The following RYR2 variants were observed in gnomAD, a reference collection of about 807,000 sequenced individuals.
RYR2 encodes the protein cardiac muscle ryanodine receptor-calcium release channel.
RYR2 carries 227 observed loss-of-function variants against 601.1 expected under a neutral mutation model. The observed-to-expected ratio is 0.38, with a 90% CI of 0.34 to 0.42. The LOEUF (loss-of-function observed/expected upper bound fraction) is 0.42. RYR2 is among the 10% of genes least tolerant of loss of function. The pLI is 1.00. For synonymous variants in RYR2, 2,223 were observed against 2,175.1 expected (o/e 1.02, Z -0.61); for missense variants, 4,646 against 6,156.5 (o/e 0.75, Z 8.21).
intron 1 of RYR2, among the ~76,000 whole-genome samples, chr1:237,227,979 T>A (rs200106801): frequency 3.1e-4 from 26 of 83,252 alleles, no homozygotes; most frequent in Admixed American, 3.1e-3. Context: ...TTTTTTTTTA[T>A]TTTTGATTTC....
At chr1:237,744,877 A>G (rs1192615888) in intron 80 of RYR2, among the ~76,000 whole-genome samples, 4 of 151,004 alleles carry the variant, frequency 2.6e-5, no homozygotes, top group Middle Eastern at 3.4e-3. Flanking sequence ...GCTCACTGCA[A>G]TCTCCACCTC....
chr1:237,510,435 G>GT (rs1466625414), intron 23 of RYR2, among the ~76,000 whole-genome samples: 3 of 152,158 alleles, frequency 2.0e-5, no homozygotes, highest in Non-Finnish European at 4.4e-5. Context: ...CTCATTTTAT[G>GT]TTTCGTTTGT....
intron 1 of RYR2, among the ~76,000 whole-genome samples, chr1:237,187,264 G>C (rs1433965559): frequency 6.6e-6 from 1 of 150,514 alleles, no homozygotes; most frequent in Non-Finnish European, 1.5e-5. Context: ...TCTGCTTCCT[G>C]GGTTCAAGTG....
chr1:237,244,062 C>T (rs1213714815), intron 1 of RYR2, among the ~76,000 whole-genome samples: 8 of 152,026 alleles, frequency 5.3e-5, no homozygotes, highest in Admixed American at 4.6e-4. Flanking sequence ...GCGTGATCAC[C>T]TTTATCCAAA....
intron 1 of RYR2, among the ~76,000 whole-genome samples, chr1:237,190,333 T>C (rs1427343989): frequency 1.3e-5 from 2 of 152,220 alleles, no homozygotes; most frequent in African/African-American, 2.4e-5. Context: ...GATATTGTGA[T>C]TTTGATTTGC....
intron 12 of RYR2, among the ~76,000 whole-genome samples, chr1:237,436,455 T>A (rs918159415): frequency 1.2e-4 from 8 of 68,628 alleles, no homozygotes; most frequent in Non-Finnish European, 2.5e-5. Context: ...GTGATTTTCC[T>A]TTTTTTTTTT....
At chr1:237,439,283 G>A (rs1338230743) in intron 12 of RYR2, among the ~76,000 whole-genome samples, 1 of 152,158 alleles carries the variant, frequency 6.6e-6, no homozygotes, top group Non-Finnish European at 1.5e-5. Flanking sequence ...TTCAGCAAGT[G>A]TTCTCACTTA....
chr1:237,828,927 C>T (rs560976060), intron 102 of RYR2, among the ~76,000 whole-genome samples: 1 of 152,222 alleles, frequency 6.6e-6, no homozygotes, highest in East Asian at 1.9e-4. Context: ...TGGGCAACCT[C>T]CCAACCCCTT....
chr1:237,526,941 C>T (rs930310013), intron 24 of RYR2, among the ~76,000 whole-genome samples: 60 of 152,160 alleles, frequency 3.9e-4, no homozygotes, highest in Non-Finnish European at 1.3e-4. Flanking sequence ...CTAGGTCTTA[C>T]ATTTATATCT....
intron 1 of RYR2, among the ~76,000 whole-genome samples, chr1:237,245,870 C>CT (rs1194405010): frequency 6.6e-6 from 1 of 152,076 alleles, no homozygotes. Context: ...TAACCTCTGC[C>CT]TCCCAGGTTG....
At chr1:237,486,909 T>C (rs906103865) in intron 17 of RYR2, among the ~76,000 whole-genome samples, 2 of 152,174 alleles carry the variant, frequency 1.3e-5, no homozygotes, top group Non-Finnish European at 2.9e-5. Flanking sequence ...ATTTTGGATC[T>C]ACTCTTAAAA....
intron 71 of RYR2, 140 bp from the exon 72 acceptor site, chr1:237,717,057 TA>T: frequency 1.5e-6 from 1 of 671,720 alleles, no homozygotes; most frequent in Non-Finnish European, 2.4e-6. Context: ...AGAGAAAAAT[TA>T]TTCTCAAAAC....
rs144614244 is a variant in RYR2, at chr1:237,421,783, A to G, written c.849-1309A>G. On this transcript the variant is annotated intron_variant, in intron 11 of 104. Transcript: ENST00000366574. Reference sequence around the variant, plus strand: ...TCATCCAGTGTAAACTGTCTTTTAAAAAATTATCCTTATGTTTCATTTTCT... The same window carrying G: ...TCATCCAGTGTAAACTGTCTTTTAAGAAATTATCCTTATGTTTCATTTTCT... 1.3e-4 allele frequency among the ~76,000 whole-genome samples: 20 copies of G among 152,286 alleles called. No individual in the cohort carries two copies. The East Asian group carries it at 3.7e-3, about 28-fold the overall frequency.
intron 43 of RYR2, among the ~76,000 whole-genome samples, chr1:237,634,660 T>C (rs1009251819): frequency 1.3e-5 from 2 of 152,304 alleles, no homozygotes; most frequent in East Asian, 1.9e-4. Context: ...ACTAGCTCAA[T>C]TGAGTCATTC....
At chr1:237,625,304 G>C (rs1679532045) in intron 39 of RYR2, among the ~76,000 whole-genome samples, 1 of 152,118 alleles carries the variant, frequency 6.6e-6, no homozygotes, top group Admixed American at 6.5e-5. Flanking sequence ...TGTAGGCAGG[G>C]CTGGACTGTA....
intron 29 of RYR2, among the ~76,000 whole-genome samples, chr1:237,578,060 G>A (rs958919156): frequency 2.6e-5 from 4 of 152,056 alleles, no homozygotes; most frequent in Non-Finnish European, 4.4e-5. Context: ...TCTGCCTGCT[G>A]TGGCCTCCCA....
chr1:237,788,020 A>C lies in RYR2; in HGVS notation c.13361A>C (p.Lys4454Thr), dbSNP rs1485986182. 6.2e-7 allele frequency: 1 copy of C among 1,603,848 alleles called. No individual in the cohort carries two copies. Among genetic ancestry groups the C allele is most frequent in the Admixed American group, 1.7e-5 (1 of 58,268 alleles). ...GEDGEKEEKA[K>T]EDKGKQKLRQ... ...GATGGAGAAAAAGAAGAGAAAGCCA[A>C]GGAAGACAAGGGCAAACAAAAGTTG... The change falls in exon 92 of 105, where the codon AAG becomes ACG. Residue 4454 changes from lysine (K) to threonine (T), a missense_variant. Transcript: ENST00000366574.
At chr1:237,552,221 A>G (rs1234975829) in intron 27 of RYR2, among the ~76,000 whole-genome samples, 1 of 152,160 alleles carries the variant, frequency 6.6e-6, no homozygotes, top group East Asian at 1.9e-4. Context: ...CAGTCCCTGT[A>G]ACCACTGGGA....
intron 1 of RYR2, among the ~76,000 whole-genome samples, chr1:237,257,600 C>T (rs920696608): frequency 6.6e-6 from 1 of 152,016 alleles, no homozygotes; most frequent in Non-Finnish European, 1.5e-5. Flanking sequence ...GTGCTGGGTA[C>T]CAGGGATGCG....
Sources: allele counts gnomAD v4.1 joint callset (sites outside exome capture counted in the v4.1 genomes callset), GRCh38; gene constraint gnomAD v4.1.1; transcripts MANE v1.5; gene names NCBI Gene and HGNC (gene_info 2026-07-23, HGNC 2026-07-21).